TUBGCP6: variants seen among roughly 807,000 people sequenced by gnomAD.
TUBGCP6 encodes the protein gamma-tubulin complex component 6.
In TUBGCP6, 161 loss-of-function variants were observed where a neutral mutation model predicts 175.8. The observed-to-expected ratio is 0.92, with a 90% CI of 0.81 to 1.04. The LOEUF is 1.04. TUBGCP6 is among the 50% of genes least tolerant of loss of function. The pLI is 0.00. For synonymous variants in TUBGCP6, 1,173 were observed against 1,030.5 expected (o/e 1.14, Z -2.65); for missense variants, 2,572 against 2,433.0 (o/e 1.06, Z -1.20).
chr22:50,240,224 C>T lies in TUBGCP6; in HGVS notation c.885G>A (p.Arg295=). 2.5e-6 allele frequency: 4 copies of T among 1,613,948 alleles called. No homozygotes were observed. The highest frequency in any genetic ancestry group is 3.4e-6 in the Non-Finnish European group (4 of 1,180,036). ...AALTYEASKR[R]CWERVGCPPG... is the part of the protein sequence containing the mutation. ...CACACCAGCCAACTCGCTCCCAGCA[C>T]CTCCGCTTGCTGGCCTCATAGGTAA... The change falls in exon 2 of 25, where the codon AGG becomes AGA. Residue 295 remains arginine, a synonymous_variant. Coordinates refer to ENST00000248846, the MANE Select transcript of TUBGCP6 (RefSeq NM_020461.4).
intron 2 of TUBGCP6, among the ~76,000 whole-genome samples, chr22:50,238,819 G>A (rs908644868): frequency 6.6e-6 from 1 of 152,204 alleles, no homozygotes; most frequent in African/African-American, 2.4e-5. Context: ...TTAAACGTGT[G>A]AGGGATTGGC....
At chr22:50,238,022 A>G (rs2064797306) in intron 2 of TUBGCP6, among the ~76,000 whole-genome samples, 1 of 152,110 alleles carries the variant, frequency 6.6e-6, no homozygotes, top group African/African-American at 2.4e-5. Context: ...AATCCCAGCT[A>G]CTTGGGAAGC....
intron 2 of TUBGCP6, among the ~76,000 whole-genome samples, chr22:50,235,703 A>ATC (rs2064770179): frequency 1.3e-5 from 2 of 152,192 alleles, no homozygotes; most frequent in South Asian, 4.1e-4. Flanking sequence ...ACACTTTGGG[A>ATC]GGCCAAGAAA....
intron 1 of TUBGCP6, among the ~76,000 whole-genome samples, chr22:50,242,198 G>A (rs997820208): frequency 6.6e-5 from 10 of 151,898 alleles, no homozygotes; most frequent in Admixed American, 2.0e-4. Flanking sequence ...AGGCTGAGGC[G>A]GGAGAATGGC....
At chr22:50,241,243 A>G (rs2064835195) in intron 1 of TUBGCP6, among the ~76,000 whole-genome samples, 2 of 151,868 alleles carry the variant, frequency 1.3e-5, no homozygotes, top group South Asian at 2.1e-4. Context: ...CCAGAAGACA[A>G]GAGTGTGAGC....
intron 1 of TUBGCP6, among the ~76,000 whole-genome samples, chr22:50,242,407 G>A (rs2064850989): frequency 6.6e-6 from 1 of 152,206 alleles, no homozygotes; most frequent in Non-Finnish European, 1.5e-5. Flanking sequence ...TGAGGCAGGA[G>A]AATCGCTTGA....
chr22:50,217,794 G>A lies in TUBGCP6; in HGVS notation c.5402C>T (p.Pro1801Leu), dbSNP rs373541807. 6.8e-6 allele frequency: 11 copies of A among 1,613,866 alleles called. No individual in the cohort carries two copies. The South Asian group carries it at 8.8e-5, about 13-fold the overall frequency. Residue 1801 changes from proline (P) to leucine (L), a missense_variant, in exon 25 of 25, where the codon CCC (proline) becomes CTC (leucine). Coordinates refer to ENST00000248846, the MANE Select transcript of TUBGCP6 (RefSeq NM_020461.4). ...GCGCAGCAGAAAGTCCTCCAGGTGG[G>A]GCTGGTAGCCGCGGTTCACCAGCTT... Reference protein sequence around the residue: ...VTKLVNRGYQPHLEDFLLRIN... With the variant: ...VTKLVNRGYQLHLEDFLLRIN...
In TUBGCP6 at chr22:50,244,225, C is replaced by G. The variant is rs574509675; in HGVS notation, c.235G>C (p.Val79Leu). The G allele has an allele frequency of 2.5e-6, 4 of 1,613,414 alleles. No homozygotes were observed. In the South Asian group the frequency reaches 4.4e-5, roughly 18 times the overall value. ...TCGGCCTTGGGGCCCAGGCCACCCA[C>G]TCTCAAGTCAAAGGACAACATGAGG... The part of the protein sequence containing the change: ...KILMLSFDLR[V>L]GGLGPKADRL... The change falls in exon 1 of 25, where the codon GTG becomes CTG. Residue 79 changes from valine (V) to leucine (L), a missense_variant. Transcript: ENST00000248846.
rs1487020297 is a variant in TUBGCP6, at chr22:50,233,343, G to A, written c.1089C>T (p.Val363=). ...GGCAGAGCGAAAACGTGGCAGACAC[G>A]ACCCCAATCAAGACGTTCAGCACGT... is the stretch of plus-strand genomic sequence containing the variant. The part of the protein sequence containing the change: ...VKDVLNVLIG[V]VSATFSLCQP... Residue 363 remains valine (V), a synonymous_variant, in exon 3 of 25, where the codon GTC becomes GTT. Coordinates refer to ENST00000248846, the MANE Select transcript of TUBGCP6 (RefSeq NM_020461.4). 10 of 1,613,660 alleles carry A rather than the reference G, an allele frequency of 6.2e-6. No individual in the cohort carries two copies. The highest frequency in any genetic ancestry group is 5.0e-5 in the Admixed American group (3 of 59,976).
chr22:50,244,024 T>G lies in TUBGCP6; in HGVS notation c.436A>C (p.Ser146Arg). The G allele has an allele frequency of 6.2e-7, 1 of 1,614,136 alleles. No homozygotes were observed. Among genetic ancestry groups the G allele is most frequent in the Non-Finnish European group, 8.5e-7 (1 of 1,180,038 alleles). Reference protein sequence around the residue: ...NKHVGRNVPYSGYDCDDLSVF... With the variant: ...NKHVGRNVPYRGYDCDDLSVF... ...CTCAGGTCGTCGCAATCATAGCCGCTGTACGGAACGTTTCTCCCCACATGC... is the reference window on the plus strand; with the variant it reads ...CTCAGGTCGTCGCAATCATAGCCGCGGTACGGAACGTTTCTCCCCACATGC... The change falls in exon 1 of 25, where the codon AGC becomes CGC. Residue 146 changes from serine (S) to arginine (R), a missense_variant. Transcript: ENST00000248846.
Position 50,244,605 on chromosome 22 carries a change from T to TC in TUBGCP6, c.-147_-146insG, listed in dbSNP as rs898489121. 6 of 1,333,760 alleles carry TC rather than the reference T, an allele frequency of 4.5e-6. No individual in the cohort carries two copies. The African/African-American group carries it at 8.9e-5, about 20-fold the overall frequency. The allele number at this position is 1,333,760 out of a possible 1,614,324, so 82.6% of individuals were successfully genotyped here. A position where few individuals can be genotyped will look rare whatever the true frequency, so the allele number is the denominator to read the frequency against. On this transcript the variant is annotated 5_prime_UTR_variant, in exon 1 of 25. Coordinates refer to ENST00000248846, the MANE Select transcript of TUBGCP6 (RefSeq NM_020461.4). ...CAATGCCGAAGCTCAGAACTGGTATTTTTTAAAGGAGGTCTTGCGGTTGCT... is the reference window on the plus strand; with the variant it reads ...CAATGCCGAAGCTCAGAACTGGTATTCTTTTAAAGGAGGTCTTGCGGTTGCT...
rs1222270214 is a variant in TUBGCP6 at position 50,237,014 on chromosome 22, C to T, written c.905+3190G>A. On this transcript the variant is annotated intron_variant, in intron 2 of 24. Transcript: ENST00000248846. ...ATCCTGCAGGCTCTGGAGTGAACAC[C>T]CCCCGCCCCAACAGGTCCCCAGAGA... Among the ~76,000 whole-genome samples, 2 of 152,172 alleles carry T rather than the reference C, an allele frequency of 1.3e-5. 1 individual carries two copies. The highest frequency in any genetic ancestry group is 4.8e-5 in the African/African-American group (2 of 41,440).
chr22:50,229,293 G>C, intron 4 of TUBGCP6, 111 bp downstream of exon 4: 1 of 1,238,218 alleles, frequency 8.1e-7, no homozygotes. Flanking sequence ...AGCAAGGAAA[G>C]AAAAGGTTTA....
Position 50,220,065 on chromosome 22 carries a change from C to A in TUBGCP6, c.4109-50G>T, listed in dbSNP as rs5771241. 234,339 of 1,595,098 alleles carry A rather than the reference C, an allele frequency of 0.15. 18,845 individuals are homozygous for A. The highest frequency in any genetic ancestry group is 0.32 in the East Asian group (13,867 of 43,768). On this transcript the variant is annotated intron_variant, in intron 16 of 24. Transcript: ENST00000248846. ...GGGCATCAGGGCCGAGTGCCTGTGG[C>A]GGGTACAGAGCCGAGCCGGCCCTGG...
In TUBGCP6 at chr22:50,226,839, C is replaced by T. The variant is rs867932672; in HGVS notation, c.1495G>A (p.Val499Met). 14 of 1,576,170 alleles carry T rather than the reference C, an allele frequency of 8.9e-6. No individual in the cohort carries two copies. The highest frequency in any genetic ancestry group is 1.7e-4 in the Middle Eastern group (1 of 6,022). ...TGGTAGAGGTAGGACAGCAGCTTCA[C>T]GCCCTGCAGACCGCAAAGGGGGTGG... ...GGPRAAFPTG[V>M]KLLSYLYQEA... is the part of the protein sequence containing the mutation. Residue 499 changes from valine (V) to methionine (M), a missense_variant, in exon 7 of 25, where the codon GTG (valine) becomes ATG (methionine). By Grantham distance (21) the Val-to-Met change is conservative (BLOSUM62 1). Coordinates refer to ENST00000248846, the MANE Select transcript of TUBGCP6 (RefSeq NM_020461.4).
chr22:50,227,892 C>T lies in TUBGCP6; in HGVS notation c.1412+15G>A. Reference sequence around the variant, plus strand: ...CCCGCAAAGTCCCCTGCTCAGCCGCCATGCTGAGGCTCACCTGAGCTGCCG... The same window carrying T: ...CCCGCAAAGTCCCCTGCTCAGCCGCTATGCTGAGGCTCACCTGAGCTGCCG... On this transcript the variant is annotated intron_variant, in intron 5 of 24. Coordinates refer to ENST00000248846, the MANE Select transcript of TUBGCP6 (RefSeq NM_020461.4). 1.3e-6 allele frequency: 2 copies of T among 1,571,494 alleles called. No homozygotes were observed.
intron 3 of TUBGCP6, among the ~76,000 whole-genome samples, chr22:50,232,039 G>A (rs559899489): frequency 1.9e-4 from 29 of 150,258 alleles, no homozygotes; most frequent in Admixed American, 6.0e-4. Context: ...TGGGCAACAC[G>A]GCAAGACCCC....
rs745831265 is a variant in TUBGCP6, at chr22:50,244,430, G to T, written c.30C>A (p.Asp10Glu). MASITQLFD[D>E]LCEALLPAAK... Reference sequence around the variant, plus strand: ...CAGCCGGCAGGAGGGCCTCACACAGGTCGTCGAACAGCTGCGTGATGCTGG... The same window carrying T: ...CAGCCGGCAGGAGGGCCTCACACAGTTCGTCGAACAGCTGCGTGATGCTGG... The change falls in exon 1 of 25, where the codon GAC (aspartate) becomes GAA (glutamate). Residue 10 changes from aspartate to glutamate, a missense_variant. By Grantham distance (45) the Asp-to-Glu change is conservative. Transcript: ENST00000248846. 6.2e-7 allele frequency: 1 copy of T among 1,612,700 alleles called. No individual in the cohort carries two copies. The highest frequency in any genetic ancestry group is 8.5e-7 in the Non-Finnish European group (1 of 1,179,832).
chr22:50,230,849 C>T (rs908330838), intron 3 of TUBGCP6, among the ~76,000 whole-genome samples: 57 of 151,140 alleles, frequency 3.8e-4, no homozygotes, highest in African/African-American at 1.3e-3. Context: ...TTTGGGAGGC[C>T]GAAGCAAGCG....
Sources: gnomAD v4.1 joint callset for allele counts (sites outside exome capture counted in the v4.1 genomes callset) on GRCh38, gnomAD v4.1.1 for gene constraint, MANE v1.5 for transcripts, NCBI Gene and HGNC (gene_info 2026-07-23, HGNC 2026-07-21) for gene names.